Variants in SLCO1C1 observed in about 807,000 individuals in gnomAD.
SLCO1C1 encodes the protein solute carrier organic anion transporter family member 1C1.
Under a neutral mutation model 76.4 loss-of-function variants are expected in SLCO1C1, and 70 were observed. The ratio of observed to expected loss-of-function variants is 0.92; its 90% CI spans 0.76 to 1.12. SLCO1C1 has a LOEUF of 1.12. Among genes scored for constraint, SLCO1C1 ranks in the 50% most tolerant of loss-of-function variants. SLCO1C1 has a pLI of 0.00. For synonymous variants in SLCO1C1, 306 were observed against 286.1 expected (o/e 1.07, Z -0.70); for missense variants, 912 against 823.8 (o/e 1.11, Z -1.31).
At chr12:20,742,127 T>C (rs532460346) in intron 12 of SLCO1C1, among the ~76,000 whole-genome samples, 1 of 152,284 alleles carries the variant, frequency 6.6e-6, no homozygotes, top group African/African-American at 2.4e-5. Flanking sequence ...CATTTACAAA[T>C]GGCAGCCTGA....
chr12:20,721,019 A>AG (rs1555127002), intron 7 of SLCO1C1, among the ~76,000 whole-genome samples: 1 of 150,834 alleles, frequency 6.6e-6, no homozygotes, highest in African/African-American at 2.4e-5. Flanking sequence ...AAAAAAAAAA[A>AG]GCTTAAACAG....
rs749055744 is a variant in SLCO1C1 at position 20,699,602 on chromosome 12, T to C, written c.26T>C (p.Ile9Thr). The C allele has an allele frequency of 1.2e-6, 2 of 1,612,076 alleles. No homozygotes were observed. Among genetic ancestry groups the C allele is most frequent in the South Asian group, 2.2e-5 (2 of 90,928 alleles). Residue 9 changes from isoleucine (I) to threonine (T), a missense_variant, in exon 2 of 15, where the codon ATC becomes ACC. Physicochemically the swap from Ile to Thr is moderately conservative, Grantham distance 89. Transcript: ENST00000266509. ...ATGGACACTTCATCCAAAGAAAATA[T>C]CCAGTTGTTCTGCAAAACTTCAGTG... is the stretch of plus-strand genomic sequence containing the variant. MDTSSKEN[I>T]QLFCKTSVQP...
chr12:20,715,010 C>T (rs1168921053), intron 5 of SLCO1C1, 129 bp from the exon 6 acceptor site: 3 of 1,139,028 alleles, frequency 2.6e-6, no homozygotes, highest in African/African-American at 1.6e-5. Flanking sequence ...AAACTCCCAT[C>T]AAATTAAGAC....
intron 10 of SLCO1C1, among the ~76,000 whole-genome samples, chr12:20,736,676 CATACTT>C (rs1948559272): frequency 1.3e-5 from 2 of 152,226 alleles, no homozygotes; most frequent in African/African-American, 2.4e-5. Context: ...CCATTCCACT[CATACTT>C]AGACAACAAT....
At chr12:20,744,571 G>A (rs1170835327) in intron 13 of SLCO1C1, among the ~76,000 whole-genome samples, 1 of 151,846 alleles carries the variant, frequency 6.6e-6, no homozygotes, top group East Asian at 1.9e-4. Context: ...ATAGAAAGAT[G>A]GTCAAATTAG....
intron 4 of SLCO1C1, among the ~76,000 whole-genome samples, chr12:20,710,195 CTTTTCTT>C (rs1430954184): frequency 6.1e-4 from 76 of 125,156 alleles, no homozygotes; most frequent in African/African-American, 2.6e-3. Flanking sequence ...CAGTTCTCTA[CTTTTCTT>C]TTTTTTTTTT....
intron 11 of SLCO1C1, 139 bp from the exon 12 acceptor site, chr12:20,740,045 A>G (rs1948727929): frequency 1.2e-6 from 1 of 833,646 alleles, no homozygotes; most frequent in African/African-American, 1.7e-5. Flanking sequence ...TGCTCAATAT[A>G]CTGTAATACA....
In SLCO1C1 at chr12:20,752,448, A is replaced by G. The variant is rs1210179538; in HGVS notation, c.2059A>G (p.Arg687Gly). 2.5e-6 allele frequency: 4 copies of G among 1,613,522 alleles called. No homozygotes were observed. Among genetic ancestry groups the G allele is most frequent in the Non-Finnish European group, 3.4e-6 (4 of 1,179,656 alleles). The change falls in exon 15 of 15, where the codon AGA becomes GGA. Residue 687 changes from arginine (R) to glycine (G), a missense_variant. By Grantham distance (125) the Arg-to-Gly change is moderately radical. Coordinates refer to ENST00000266509, the MANE Select transcript of SLCO1C1 (RefSeq NM_017435.5). Reference sequence around the variant, plus strand: ...GAGAGAAAGAACAATGGTGTCTACAAGATTCCAAAAGGAAAATTACACTAC... The same window carrying G: ...GAGAGAAAGAACAATGGTGTCTACAGGATTCCAAAAGGAAAATTACACTAC... ...TKRERTMVST[R>G]FQKENYTTSD...
chr12:20,704,606 G>C (rs1353121465), intron 3 of SLCO1C1, among the ~76,000 whole-genome samples: 1 of 151,752 alleles, frequency 6.6e-6, no homozygotes, highest in East Asian at 1.9e-4. Context: ...TAGGACCACT[G>C]TGCAAGTCAT....
intron 1 of SLCO1C1, among the ~76,000 whole-genome samples, chr12:20,697,912 C>G (rs900222925): frequency 6.6e-6 from 1 of 152,022 alleles, no homozygotes; most frequent in Non-Finnish European, 1.5e-5. Flanking sequence ...TTATCTGTTT[C>G]CATTATCGGC....
At chr12:20,696,248 G>C (rs962529684) in intron 1 of SLCO1C1, among the ~76,000 whole-genome samples, 14 of 152,124 alleles carry the variant, frequency 9.2e-5, no homozygotes, top group African/African-American at 3.4e-4. Context: ...CAAGTGCCGT[G>C]AGGCTATTTT....
chr12:20,695,737 C>T lies in SLCO1C1; in HGVS notation c.-96C>T, dbSNP rs1295296628. On this transcript the variant is annotated 5_prime_UTR_variant, in exon 1 of 15. Transcript: ENST00000266509. ...GTTTACCTCAGTTTCCTCTTTCAGT[C>T]TGTGGTGTGTGGTCCATCCTCTTGC... 6.6e-6 allele frequency: 1 copy of T among 152,100 alleles called. No individual in the cohort carries two copies. The highest frequency in any genetic ancestry group is 2.1e-4 in the South Asian group (1 of 4,824). 9.4% of individuals were successfully genotyped at this position (152,100 alleles called of 1,614,324 possible).
intron 1 of SLCO1C1, among the ~76,000 whole-genome samples, chr12:20,697,662 A>AT: frequency 6.6e-6 from 1 of 152,132 alleles, no homozygotes; most frequent in East Asian, 1.9e-4. Context: ...ATGAAATTCT[A>AT]TTTTTTATTT....
At chr12:20,715,050 C>A in intron 5 of SLCO1C1, 89 bp from the exon 6 acceptor site, 1 of 1,476,732 alleles carries the variant, frequency 6.8e-7, no homozygotes, top group Non-Finnish European at 9.2e-7. Context: ...CATTCTAGTT[C>A]AGTTTAAGAT....
intron 3 of SLCO1C1, among the ~76,000 whole-genome samples, chr12:20,702,742 T>C (rs1277642721): frequency 1.3e-5 from 2 of 151,792 alleles, no homozygotes; most frequent in Admixed American, 1.3e-4. Flanking sequence ...CATTATATCA[T>C]GAGAGAAAAA....
chr12:20,719,274 C>T lies in SLCO1C1; in HGVS notation c.775+2044C>T, dbSNP rs146400974. ...GTGTTCTGACTGCTCCACTGACTGGCCATTCCCCTGTCTCTCTTTTTGGAC... is the reference window on the plus strand; with the variant it reads ...GTGTTCTGACTGCTCCACTGACTGGTCATTCCCCTGTCTCTCTTTTTGGAC... On this transcript the variant is annotated intron_variant, in intron 7 of 14. Coordinates refer to ENST00000266509, the MANE Select transcript of SLCO1C1 (RefSeq NM_017435.5). Among the ~76,000 whole-genome samples the T allele has an allele frequency of 8.8e-3, 1,337 of 152,204 alleles. 22 individuals carry two copies. The highest frequency in any genetic ancestry group is 0.012 in the Non-Finnish European group (795 of 68,016).
intron 14 of SLCO1C1, among the ~76,000 whole-genome samples, chr12:20,751,852 A>G (rs1318888685): frequency 4.6e-5 from 7 of 152,144 alleles, no homozygotes; most frequent in African/African-American, 2.4e-5. Context: ...TCAGAGCTCC[A>G]ATTCCCATTA....
At chr12:20,737,873 G>C (rs1466685300) in intron 11 of SLCO1C1, among the ~76,000 whole-genome samples, 1 of 152,088 alleles carries the variant, frequency 6.6e-6, no homozygotes, top group Non-Finnish European at 1.5e-5. Context: ...AGTCAGTCCA[G>C]GCTGCTATAA....
chr12:20,717,436 T>C (rs887993954), intron 7 of SLCO1C1, among the ~76,000 whole-genome samples: 4 of 151,822 alleles, frequency 2.6e-5, no homozygotes, highest in Non-Finnish European at 4.4e-5. Flanking sequence ...GGATGACCAA[T>C]GGTTTGTTAT....
Sources: gnomAD v4.1 joint callset for allele counts (sites outside exome capture counted in the v4.1 genomes callset) on GRCh38, gnomAD v4.1.1 for gene constraint, MANE v1.5 for transcripts, NCBI Gene and HGNC (gene_info 2026-07-23, HGNC 2026-07-21) for gene names.